LRRTM4: variants seen among roughly 807,000 people sequenced by gnomAD.
LRRTM4 encodes leucine-rich repeat transmembrane neuronal protein 4.
Under a neutral mutation model 47.6 loss-of-function variants are expected in LRRTM4, and 25 were observed. The observed-to-expected ratio is 0.53, with a 90% CI of 0.38 to 0.73. LRRTM4 has a LOEUF of 0.73. LRRTM4 is among the 30% of genes least tolerant of loss of function. LRRTM4 has a pLI of 0.00. For missense variants in LRRTM4, 638 were observed against 713.4 expected (o/e 0.89, Z 1.20); for synonymous variants, 311 against 269.5 (o/e 1.15, Z -1.51).
At chr2:76,937,873 T>A (rs1317389516) in intron 3 of LRRTM4, among the ~76,000 whole-genome samples, 2 of 152,076 alleles carry the variant, frequency 1.3e-5, no homozygotes, top group South Asian at 2.1e-4. Context: ...GCCATCTTTA[T>A]ATATATATTT....
At chr2:77,039,516 G>A (rs867709973) in intron 3 of LRRTM4, among the ~76,000 whole-genome samples, 1 of 151,138 alleles carries the variant, frequency 6.6e-6, no homozygotes, top group African/African-American at 2.4e-5. Context: ...AGGACTAGCA[G>A]TAAGAAGCAA....
intron 3 of LRRTM4, among the ~76,000 whole-genome samples, chr2:77,451,224 A>C (rs1342323007): frequency 6.6e-6 from 1 of 152,134 alleles, no homozygotes; most frequent in South Asian, 2.1e-4. Context: ...AATGTATTCT[A>C]TGTATTTCAT....
At chr2:76,977,619 A>C (rs1225358022) in intron 3 of LRRTM4, among the ~76,000 whole-genome samples, 1 of 151,912 alleles carries the variant, frequency 6.6e-6, no homozygotes, top group Non-Finnish European at 1.5e-5. Context: ...ACTAACTGTT[A>C]TTGGGTTCCT....
intron 3 of LRRTM4, among the ~76,000 whole-genome samples, chr2:76,923,588 C>T (rs1325200988): frequency 6.6e-6 from 1 of 151,922 alleles, no homozygotes; most frequent in East Asian, 1.9e-4. Flanking sequence ...CAACTATCAA[C>T]ACAAGAAAAT....
intron 3 of LRRTM4, among the ~76,000 whole-genome samples, chr2:77,259,075 T>C (rs964871618): frequency 1.3e-5 from 2 of 151,638 alleles, no homozygotes; most frequent in African/African-American, 4.9e-5. Context: ...GTGGAGATAT[T>C]TGACACTAAT....
intron 3 of LRRTM4, among the ~76,000 whole-genome samples, chr2:76,848,398 C>T (rs1488431086): frequency 6.6e-6 from 1 of 152,046 alleles, no homozygotes; most frequent in East Asian, 1.9e-4. Context: ...TAATTAAAGA[C>T]TCCAAAATTA....
At chr2:77,131,607 A>G (rs1057301918) in intron 3 of LRRTM4, among the ~76,000 whole-genome samples, 2 of 152,020 alleles carry the variant, frequency 1.3e-5, no homozygotes, top group Non-Finnish European at 2.9e-5. Context: ...GCCAAACCCA[A>G]ATTTCTCTAT....
At chr2:77,138,897 CAT>C (rs1452996794) in intron 3 of LRRTM4, among the ~76,000 whole-genome samples, 1 of 152,110 alleles carries the variant, frequency 6.6e-6, no homozygotes, top group African/African-American at 2.4e-5. Context: ...TTCCTGGACA[CAT>C]ATATACTCCC....
At chr2:76,958,759 G>A (rs370028213) in intron 3 of LRRTM4, among the ~76,000 whole-genome samples, 2 of 151,798 alleles carry the variant, frequency 1.3e-5, no homozygotes, top group African/African-American at 4.8e-5. Flanking sequence ...CCATTTTAGT[G>A]GGATTAGAAT....
chr2:76,998,235 T>C (rs12713889), intron 3 of LRRTM4, among the ~76,000 whole-genome samples: 47,736 of 151,818 alleles, frequency 0.31, 7,600 homozygotes, highest in Non-Finnish European at 0.33. Context: ...GTATCTGTTA[T>C]ATACAATACA....
chr2:77,411,394 CTTTCTTCTTTA>C (rs1031702796), intron 3 of LRRTM4, among the ~76,000 whole-genome samples: 6 of 150,780 alleles, frequency 4.0e-5, no homozygotes, highest in African/African-American at 7.3e-5. Flanking sequence ...TTCTCTCTTT[CTTTCTTCTTTA>C]TTTCTCTCTT....
intron 3 of LRRTM4, among the ~76,000 whole-genome samples, chr2:76,849,680 A>C (rs190101841): frequency 4.6e-5 from 7 of 152,124 alleles, no homozygotes; most frequent in South Asian, 2.1e-4. Context: ...TCCAAAATTC[A>C]TAATTTTCAT....
intron 3 of LRRTM4, among the ~76,000 whole-genome samples, chr2:77,027,171 C>T (rs956472058): frequency 6.6e-6 from 1 of 152,082 alleles, no homozygotes; most frequent in South Asian, 2.1e-4. Flanking sequence ...CATAAATCTC[C>T]TTTTCTGATA....
At chr2:76,881,007 G>A (rs1351066719) in intron 3 of LRRTM4, among the ~76,000 whole-genome samples, 1 of 152,050 alleles carries the variant, frequency 6.6e-6, no homozygotes, top group South Asian at 2.1e-4. Flanking sequence ...TTAGATAGGA[G>A]GATTAAATTC....
rs1345651414 is a variant in LRRTM4, at chr2:77,318,097, C to T, written c.1551+200221G>A. Among the ~76,000 whole-genome samples the T allele has an allele frequency of 2.7e-5, 4 of 150,412 alleles. No individual in the cohort carries two copies. In the South Asian group the frequency reaches 8.4e-4, roughly 32 times the overall value. On this transcript the variant is annotated intron_variant, in intron 3 of 3. Coordinates refer to ENST00000409884, the MANE Select transcript of LRRTM4 (RefSeq NM_001134745.3). The stretch of plus-strand genomic sequence containing the variant: ...TCTTGGCTCACTACAAGCTCCGCCT[C>T]CCAGGTTCACGCCATTCTCCTGCCT...
intron 3 of LRRTM4, among the ~76,000 whole-genome samples, chr2:76,968,614 T>C (rs1676117732): frequency 6.6e-6 from 1 of 151,390 alleles, no homozygotes; most frequent in African/African-American, 2.4e-5. Context: ...ACTATTCTGT[T>C]TGGGGTTAGG....
chr2:77,369,382 C>G (rs1272533468), intron 3 of LRRTM4, among the ~76,000 whole-genome samples: 5 of 151,072 alleles, frequency 3.3e-5, no homozygotes, highest in Admixed American at 6.6e-5. Context: ...TTACCAGTGT[C>G]TGGGTGGAGT....
intron 3 of LRRTM4, among the ~76,000 whole-genome samples, chr2:77,260,846 A>C (rs1430503661): frequency 6.6e-6 from 1 of 152,148 alleles, no homozygotes; most frequent in African/African-American, 2.4e-5. Flanking sequence ...CCTTATGTGA[A>C]TGTATGACGC....
At chr2:77,211,326 A>G (rs1674286857) in intron 3 of LRRTM4, among the ~76,000 whole-genome samples, 1 of 152,178 alleles carries the variant, frequency 6.6e-6, no homozygotes, top group South Asian at 2.1e-4. Context: ...ATACTGCTTA[A>G]AGCAGAGAGA....
Sources: allele counts gnomAD v4.1 joint callset (sites outside exome capture counted in the v4.1 genomes callset), GRCh38; gene constraint gnomAD v4.1.1; transcripts MANE v1.5; gene names NCBI Gene and HGNC (gene_info 2026-07-23, HGNC 2026-07-21).